Variants in MROH9 observed in about 807,000 individuals in gnomAD.
MROH9 encodes the protein maestro heat-like repeat-containing protein family member 9.
In MROH9, 92 loss-of-function variants were observed where a neutral mutation model predicts 98.2. The observed-to-expected ratio is 0.94, with a 90% CI of 0.79 to 1.11. MROH9 has a LOEUF of 1.11. MROH9 is among the 50% of genes most tolerant of loss of function. The pLI is 0.00. For missense variants in MROH9, 1,057 were observed against 1,014.8 expected (o/e 1.04, Z -0.57); for synonymous variants, 397 against 368.9 (o/e 1.08, Z -0.87).
At chr1:170,944,205 G>T (rs1649232552) in intron 1 of MROH9, among the ~76,000 whole-genome samples, 1 of 151,922 alleles carries the variant, frequency 6.6e-6, no homozygotes, top group East Asian at 1.9e-4. Flanking sequence ...TTTGCTCATA[G>T]TTGGGAATCA....
intron 20 of MROH9, among the ~76,000 whole-genome samples, chr1:171,044,547 T>C (rs942114418): frequency 1.3e-5 from 2 of 152,206 alleles, no homozygotes; most frequent in Non-Finnish European, 2.9e-5. Context: ...GTATTCATTC[T>C]TCTTTAAATG....
At chr1:170,938,802 G>C (rs6695571) in intron 1 of MROH9, among the ~76,000 whole-genome samples, 18,130 of 152,148 alleles carry the variant, frequency 0.12, 1,954 homozygotes, top group African/African-American at 0.29. Flanking sequence ...ATGTAGTCAA[G>C]CTGCCACCAG....
At chr1:170,946,991 C>T (rs903298613) in intron 2 of MROH9, among the ~76,000 whole-genome samples, 3 of 151,652 alleles carry the variant, frequency 2.0e-5, no homozygotes, top group Non-Finnish European at 1.5e-5. Flanking sequence ...TTTGATGGTC[C>T]TTCCAGAAAT....
intron 11 of MROH9, among the ~76,000 whole-genome samples, chr1:170,991,765 C>T (rs1460498539): frequency 6.6e-6 from 1 of 151,876 alleles, no homozygotes; most frequent in Non-Finnish European, 1.5e-5. Context: ...TATTAATCTA[C>T]ATATTAATTT....
chr1:170,956,604 T>G (rs950241050), intron 3 of MROH9, among the ~76,000 whole-genome samples: 11 of 149,618 alleles, frequency 7.4e-5, no homozygotes, highest in African/African-American at 2.5e-4. Context: ...TGTTTTTTTT[T>G]TTTTTTGCAG....
chr1:170,952,042 A>G (rs1053698752), intron 3 of MROH9, among the ~76,000 whole-genome samples: 1 of 152,110 alleles, frequency 6.6e-6, no homozygotes, highest in Non-Finnish European at 1.5e-5. Context: ...AATCAAAACC[A>G]TAATGAGATA....
At chr1:171,021,667 C>A (rs1333198959) in intron 17 of MROH9, among the ~76,000 whole-genome samples, 4 of 152,052 alleles carry the variant, frequency 2.6e-5, no homozygotes, top group Non-Finnish European at 5.9e-5. Context: ...AAAACCTAGG[C>A]AATAGCGTTC....
At chr1:171,025,906 C>T (rs546200936) in intron 20 of MROH9, among the ~76,000 whole-genome samples, 1 of 152,256 alleles carries the variant, frequency 6.6e-6, no homozygotes, top group South Asian at 2.1e-4. Flanking sequence ...ATCAGACAAA[C>T]CTGACCACAC....
chr1:170,942,567 T>C (rs1329624061), intron 1 of MROH9, among the ~76,000 whole-genome samples: 1 of 152,106 alleles, frequency 6.6e-6, no homozygotes, highest in East Asian at 1.9e-4. Context: ...TACTAAAATA[T>C]GGGATATTCA....
At chr1:170,951,336 A>C (rs16863858) in intron 3 of MROH9, among the ~76,000 whole-genome samples, 13,584 of 152,200 alleles carry the variant, frequency 0.089, 734 homozygotes, top group East Asian at 0.13. Context: ...ATGCATAGTA[A>C]AACTGTGGTT....
rs1650909881 is a variant in MROH9 at position 170,981,031 on chromosome 1, G to A, written c.617-2391G>A. 2.0e-5 allele frequency among the ~76,000 whole-genome samples: 3 copies of A among 152,114 alleles called. No individual in the cohort carries two copies. In the South Asian group the frequency reaches 6.2e-4, roughly 32 times the overall value. On this transcript the variant is annotated intron_variant, in intron 8 of 21. Transcript: ENST00000367759. ...AACATGAAAAAACCTCAACATCACT[G>A]ATCATCAGATAAATGCAGATTAAAA...
intron 20 of MROH9, among the ~76,000 whole-genome samples, chr1:171,050,678 C>A (rs1653635516): frequency 1.3e-5 from 2 of 152,090 alleles, no homozygotes; most frequent in South Asian, 4.1e-4. Flanking sequence ...TGTCTGATTG[C>A]TCTAGTTAGG....
chr1:171,016,155 A>T lies in MROH9; in HGVS notation c.1735-8A>T, dbSNP rs1286534189. ...CTAAATCCCACCATTTTTTCCTTTT[A>T]TATGTAGACAGAAAATGTCAGCAGT... On this transcript the variant is annotated splice_polypyrimidine_tract_variant and splice_region_variant and intron_variant, in intron 16 of 21. Transcript: ENST00000367759. The T allele has an allele frequency of 1.6e-5, 23 of 1,439,124 alleles. No individual in the cohort carries two copies. In the Admixed American group the frequency reaches 2.8e-4, roughly 18 times the overall value. 89.1% of individuals were successfully genotyped at this position (1,439,124 alleles called of 1,614,324 possible).
At chr1:170,946,422 C>A (rs2101871492) in intron 2 of MROH9, among the ~76,000 whole-genome samples, 2 of 152,006 alleles carry the variant, frequency 1.3e-5, no homozygotes, top group African/African-American at 4.8e-5. Context: ...GACACGCTGA[C>A]TAAATGCAAC....
intron 10 of MROH9, among the ~76,000 whole-genome samples, chr1:170,989,323 A>G (rs2050151): frequency 0.62 from 94,340 of 151,926 alleles, 29,550 homozygotes; most frequent in East Asian, 0.8. Context: ...TTCAAGAATG[A>G]GTAAAAAGGG....
chr1:171,054,461 C>T (rs760375344), intron 20 of MROH9, among the ~76,000 whole-genome samples: 5 of 152,130 alleles, frequency 3.3e-5, no homozygotes, highest in Non-Finnish European at 5.9e-5. Context: ...CCTTTCTAGG[C>T]ATTGGCTTAG....
At position 170,949,360 on chromosome 1, in the gene MROH9, T is replaced by A. The variant is rs144611410; in HGVS notation, c.72+1787T>A. Among the ~76,000 whole-genome samples the A allele has an allele frequency of 3.0e-3, 453 of 152,118 alleles. 6 individuals carry two copies. Among genetic ancestry groups the A allele is most frequent in the African/African-American group, 0.01 (432 of 41,516 alleles). ...TCTAAGACAAAAGGTGTATCTAGAA[T>A]GAAGACTAGTCAAGAGGAAATAACA... On this transcript the variant is annotated intron_variant, in intron 3 of 21. Coordinates refer to ENST00000367759, the MANE Select transcript of MROH9 (RefSeq NM_001163629.2).
In MROH9 at chr1:171,009,907, T is replaced by C. The variant is rs536120626; in HGVS notation, c.1597-4210T>C. Reference sequence around the variant, plus strand: ...GGCTTCTACTAGCCAACTTTGAGTATCAAAATGAATAGTAACTAAATAATT... The same window carrying C: ...GGCTTCTACTAGCCAACTTTGAGTACCAAAATGAATAGTAACTAAATAATT... On this transcript the variant is annotated intron_variant, in intron 15 of 21. Coordinates refer to ENST00000367759, the MANE Select transcript of MROH9 (RefSeq NM_001163629.2). 1.3e-5 allele frequency among the ~76,000 whole-genome samples: 2 copies of C among 152,356 alleles called. 1 individual carries two copies. The highest frequency in any genetic ancestry group is 3.9e-4 in the East Asian group (2 of 5,192).
intron 13 of MROH9, among the ~76,000 whole-genome samples, chr1:170,996,170 A>G (rs969670848): frequency 1.3e-5 from 2 of 152,198 alleles, no homozygotes; most frequent in Admixed American, 6.5e-5. Context: ...AATATATCCT[A>G]TTCATTTAAT....
Sources: gnomAD v4.1 joint callset for allele counts (sites outside exome capture counted in the v4.1 genomes callset) on GRCh38, gnomAD v4.1.1 for gene constraint, MANE v1.5 for transcripts, NCBI Gene and HGNC (gene_info 2026-07-23, HGNC 2026-07-21) for gene names.